The following MED27 variants were observed in gnomAD, a reference collection of about 807,000 sequenced individuals.
MED27 encodes mediator complex subunit 27, also known as mediator of RNA polymerase II transcription subunit 27.
A neutral mutation model predicts 38.2 loss-of-function variants in MED27; 30 were observed. That is an observed-to-expected ratio of 0.79 (90% confidence interval 0.59 to 1.07). The LOEUF (loss-of-function observed/expected upper bound fraction) is 1.07. MED27 is among the 50% of genes least tolerant of loss of function. The pLI, the probability that MED27 is intolerant of heterozygous loss-of-function variation, is 0.00. For synonymous variants in MED27, 122 were observed against 153.5 expected (o/e 0.79, Z 1.52); for missense variants, 289 against 397.5 (o/e 0.73, Z 2.32).
At chr9:132,019,277 T>G (rs1481713725) in intron 2 of MED27, among the ~76,000 whole-genome samples, 1 of 152,170 alleles carries the variant, frequency 6.6e-6, no homozygotes, top group African/African-American at 2.4e-5. Context: ...GCTAATGAAT[T>G]TGTCAGCTAA....
chr9:132,070,757 T>C (rs1252470429), intron 2 of MED27, among the ~76,000 whole-genome samples: 2 of 152,042 alleles, frequency 1.3e-5, no homozygotes, highest in Admixed American at 6.5e-5. Context: ...CTGTGGTTTG[T>C]CCCCAGGATC....
chr9:132,078,104 G>A (rs1289337277), intron 1 of MED27, among the ~76,000 whole-genome samples: 4 of 152,180 alleles, frequency 2.6e-5, no homozygotes, highest in South Asian at 2.1e-4. Context: ...CAAATGGAAT[G>A]GGAAGACACC....
chr9:131,873,114 T>C (rs997390299), intron 6 of MED27, among the ~76,000 whole-genome samples: 1 of 152,212 alleles, frequency 6.6e-6, no homozygotes, highest in South Asian at 2.1e-4. Context: ...ACTAAGAGTT[T>C]TGCCAAGGAC....
intron 3 of MED27, among the ~76,000 whole-genome samples, chr9:132,002,578 T>C (rs1832261519): frequency 6.6e-6 from 1 of 151,994 alleles, no homozygotes; most frequent in African/African-American, 2.4e-5. Flanking sequence ...TGGGCCGAAA[T>C]CTATATGGCA....
At chr9:132,016,152 A>G (rs1832597880) in intron 2 of MED27, among the ~76,000 whole-genome samples, 1 of 152,228 alleles carries the variant, frequency 6.6e-6, no homozygotes. Flanking sequence ...TCTGAAAAAT[A>G]AATGGCCTCA....
intron 2 of MED27, among the ~76,000 whole-genome samples, chr9:132,048,330 C>T (rs1833385722): frequency 6.6e-6 from 1 of 152,142 alleles, no homozygotes; most frequent in Non-Finnish European, 1.5e-5. Context: ...TTCCAGTCCT[C>T]CAGTCAACCA....
intron 2 of MED27, among the ~76,000 whole-genome samples, chr9:132,061,530 T>C (rs1219129317): frequency 6.6e-6 from 1 of 152,280 alleles, no homozygotes; most frequent in African/African-American, 2.4e-5. Flanking sequence ...TGTTAATCAC[T>C]ATAAAATTTG....
intron 4 of MED27, among the ~76,000 whole-genome samples, chr9:131,899,758 C>A (rs529105346): frequency 6.6e-6 from 1 of 152,188 alleles, no homozygotes; most frequent in Admixed American, 6.5e-5. Flanking sequence ...GCCCTCACAT[C>A]GCTCTACAAT....
At chr9:131,912,388 T>A (rs568011771) in intron 4 of MED27, among the ~76,000 whole-genome samples, 1 of 152,354 alleles carries the variant, frequency 6.6e-6, no homozygotes, top group South Asian at 2.1e-4. Context: ...GGAAACACTG[T>A]TACATTAGTA....
At chr9:131,874,100 A>G (rs1003640477) in intron 6 of MED27, among the ~76,000 whole-genome samples, 2 of 152,150 alleles carry the variant, frequency 1.3e-5, no homozygotes, top group African/African-American at 4.8e-5. Flanking sequence ...ATTTCCCTTC[A>G]GCCCCCACCT....
At chr9:131,902,245 C>T (rs1007151034) in intron 4 of MED27, among the ~76,000 whole-genome samples, 20 of 152,164 alleles carry the variant, frequency 1.3e-4, no homozygotes, top group Non-Finnish European at 2.2e-4. Flanking sequence ...CTGAATTCTG[C>T]ACAGCTGCTA....
At chr9:132,036,252 G>A (rs1833074365) in intron 2 of MED27, among the ~76,000 whole-genome samples, 2 of 152,066 alleles carry the variant, frequency 1.3e-5, no homozygotes, top group Non-Finnish European at 2.9e-5. Flanking sequence ...TGCCCATGCT[G>A]GAGTGCAGTG....
intron 6 of MED27, among the ~76,000 whole-genome samples, chr9:131,876,828 T>C (rs758231004): frequency 2.6e-5 from 4 of 152,226 alleles, no homozygotes; most frequent in African/African-American, 9.6e-5. Context: ...TTTGTCTTGC[T>C]ACATGAAGCG....
chr9:131,953,046 A>G (rs1463316015), intron 3 of MED27, among the ~76,000 whole-genome samples: 1 of 152,272 alleles, frequency 6.6e-6, no homozygotes, highest in Non-Finnish European at 1.5e-5. Context: ...TGAAGGTAAC[A>G]GTGATATAAG....
intron 6 of MED27, chr9:131,869,338 A>G (rs1838788778): frequency 1.0e-6 from 1 of 985,242 alleles, no homozygotes; most frequent in Non-Finnish European, 1.2e-6. Context: ...TTTTTCAACA[A>G]CAAAGTTGTT....
chr9:131,870,082 T>A (rs1269292657), intron 6 of MED27, among the ~76,000 whole-genome samples: 1 of 152,188 alleles, frequency 6.6e-6, no homozygotes, highest in East Asian at 1.9e-4. Context: ...CCATATTGTG[T>A]GCATGGAGCT....
At chr9:131,973,168 T>C (rs1207031721) in intron 3 of MED27, among the ~76,000 whole-genome samples, 1 of 152,260 alleles carries the variant, frequency 6.6e-6, no homozygotes, top group Non-Finnish European at 1.5e-5. Context: ...TTTAACTTTC[T>C]AGTACACTTT....
chr9:131,949,149 T>C (rs1198410356), intron 3 of MED27, among the ~76,000 whole-genome samples: 1 of 152,180 alleles, frequency 6.6e-6, no homozygotes, highest in Non-Finnish European at 1.5e-5. Flanking sequence ...TTACTATTCC[T>C]ACAGTATCTA....
rs553659098 is a variant in MED27 at position 131,972,137 on chromosome 9, T to C, written c.480-32663A>G. Among the ~76,000 whole-genome samples the C allele has an allele frequency of 7.9e-5, 12 of 152,336 alleles. No homozygotes were observed. The South Asian group carries it at 2.5e-3, about 32-fold the overall frequency. The stretch of plus-strand genomic sequence containing the variant: ...GATTAGAACATACAGGTTTCAAATA[T>C]GAGAGGTTTGAAGCAATGAATATTT... On this transcript the variant is annotated intron_variant, in intron 3 of 7. Coordinates refer to ENST00000292035, the MANE Select transcript of MED27 (RefSeq NM_004269.4).
Sources: allele counts gnomAD v4.1 joint callset (sites outside exome capture counted in the v4.1 genomes callset), GRCh38; gene constraint gnomAD v4.1.1; transcripts MANE v1.5; gene names NCBI Gene and HGNC (gene_info 2026-07-23, HGNC 2026-07-21).